CDH23: variants seen among roughly 807,000 people sequenced by gnomAD.
CDH23 encodes the protein cadherin-23.
Under a neutral mutation model 317.1 loss-of-function variants are expected in CDH23, and 189 were observed. That is an observed-to-expected ratio of 0.60 (90% CI 0.53 to 0.67). The LOEUF (loss-of-function observed/expected upper bound fraction) is 0.67, where lower values mean the gene tolerates loss of function less well. Ranked by LOEUF, CDH23 falls within the 30% of genes least tolerant of loss-of-function variation. CDH23 has a pLI of 0.00. For missense variants in CDH23, 4,401 were observed against 4,592.4 expected (o/e 0.96, Z 1.20); for synonymous variants, 1,839 against 1,876.8 (o/e 0.98, Z 0.52).
intron 3 of CDH23, among the ~76,000 whole-genome samples, chr10:71,449,534 A>T (rs1850331476): frequency 1.3e-5 from 2 of 152,198 alleles, no homozygotes; most frequent in African/African-American, 2.4e-5. Context: ...CACATATGAC[A>T]TACTATATAT....
intron 1 of CDH23, among the ~76,000 whole-genome samples, chr10:71,407,792 A>T (rs1848172641): frequency 6.6e-6 from 1 of 152,196 alleles, no homozygotes; most frequent in Non-Finnish European, 1.5e-5. Context: ...AATAATGAAG[A>T]AAAATGCCCC....
chr10:71,663,401 G>T (rs149163039), intron 14 of CDH23, among the ~76,000 whole-genome samples: 7 of 152,282 alleles, frequency 4.6e-5, no homozygotes, highest in African/African-American at 9.6e-5. Flanking sequence ...CGTCTCCCCT[G>T]CATCTCAAGG....
intron 17 of CDH23, among the ~76,000 whole-genome samples, 195 bp from the exon 18 acceptor site, chr10:71,682,250 G>A (rs758978039): frequency 1.3e-5 from 2 of 152,220 alleles, no homozygotes; most frequent in Admixed American, 1.3e-4. Flanking sequence ...CCTGGTGGGC[G>A]CAGCACAGGG....
At chr10:71,703,568 C>T (rs534209617) in intron 24 of CDH23, among the ~76,000 whole-genome samples, 3 of 152,304 alleles carry the variant, frequency 2.0e-5, no homozygotes, top group South Asian at 2.1e-4. Context: ...GTGTCGGTCA[C>T]GAGGGCTTAT....
intron 6 of CDH23, among the ~76,000 whole-genome samples, chr10:71,548,743 T>A (rs534676873): frequency 7.2e-4 from 109 of 152,340 alleles, no homozygotes; most frequent in Non-Finnish European, 1.3e-3. Context: ...AGACTTCATT[T>A]AAGATCAGTG....
intron 38 of CDH23, among the ~76,000 whole-genome samples, chr10:71,775,957 G>A (rs527249097): frequency 7.2e-5 from 11 of 152,230 alleles, no homozygotes; most frequent in South Asian, 6.2e-4. Flanking sequence ...AAGAATACAA[G>A]AGCACCACAT....
At chr10:71,476,653 C>G (rs1851809917) in intron 3 of CDH23, among the ~76,000 whole-genome samples, 1 of 152,160 alleles carries the variant, frequency 6.6e-6, no homozygotes, top group African/African-American at 2.4e-5. Flanking sequence ...CTTTTGATTT[C>G]AAGTGTGCAA....
At chr10:71,661,676 G>A (rs1238854003) in intron 14 of CDH23, among the ~76,000 whole-genome samples, 3 of 151,830 alleles carry the variant, frequency 2.0e-5, no homozygotes, top group African/African-American at 7.3e-5. Flanking sequence ...TGGGAGTGAG[G>A]GCTGCTTCTT....
intron 15 of CDH23, among the ~76,000 whole-genome samples, chr10:71,676,267 G>GT (rs1342586805): frequency 6.6e-6 from 1 of 152,078 alleles, no homozygotes; most frequent in Non-Finnish European, 1.5e-5. Context: ...GCCCGGTGGA[G>GT]TGAGTGAGGC....
At chr10:71,414,293 A>G (rs1848450717) in intron 1 of CDH23, among the ~76,000 whole-genome samples, 3 of 152,148 alleles carry the variant, frequency 2.0e-5, no homozygotes, top group African/African-American at 7.2e-5. Context: ...GTCTTTTGCC[A>G]TTGTGTATGA....
chr10:71,529,381 C>T (rs369852571), intron 6 of CDH23, among the ~76,000 whole-genome samples: 1 of 152,220 alleles, frequency 6.6e-6, no homozygotes, highest in Middle Eastern at 3.4e-3. Context: ...ACGTAGTACC[C>T]GGTGCAGGGA....
intron 6 of CDH23, among the ~76,000 whole-genome samples, chr10:71,555,795 C>T (rs528747373): frequency 1.2e-4 from 19 of 152,302 alleles, no homozygotes; most frequent in African/African-American, 4.3e-4. Flanking sequence ...CCTTGAAAGT[C>T]AAGCTCCTGA....
At chr10:71,409,298 C>T (rs1848248459) in intron 1 of CDH23, among the ~76,000 whole-genome samples, 1 of 152,112 alleles carries the variant, frequency 6.6e-6, no homozygotes, top group African/African-American at 2.4e-5. Context: ...CTGGTGAACC[C>T]CAGTACCTCT....
chr10:71,432,709 G>T (rs962561681), intron 1 of CDH23, among the ~76,000 whole-genome samples: 5 of 152,308 alleles, frequency 3.3e-5, no homozygotes, highest in Admixed American at 3.3e-4. Flanking sequence ...GAGCATGAGG[G>T]AGCCCTCCTG....
chr10:71,759,334 A>G (rs1474297918), intron 38 of CDH23, among the ~76,000 whole-genome samples: 1 of 151,914 alleles, frequency 6.6e-6, no homozygotes, highest in Non-Finnish European at 1.5e-5. Context: ...CACCGCACCT[A>G]ACCCCAAAAA....
At chr10:71,773,624 C>T (rs572887370) in intron 38 of CDH23, 1 of 492,732 alleles carries the variant, frequency 2.0e-6, no homozygotes, top group Non-Finnish European at 3.4e-6. Context: ...AACTGCCTCT[C>T]CGAGGGCCGC....
intron 6 of CDH23, among the ~76,000 whole-genome samples, chr10:71,522,943 A>G (rs1311007195): frequency 6.6e-6 from 1 of 152,130 alleles, no homozygotes; most frequent in African/African-American, 2.4e-5. Context: ...ACACCCAGAG[A>G]GGTTCAGTGA....
intron 3 of CDH23, among the ~76,000 whole-genome samples, chr10:71,468,805 G>A (rs1489536270): frequency 6.6e-6 from 1 of 152,202 alleles, no homozygotes; most frequent in East Asian, 1.9e-4. Flanking sequence ...CTCTGCCGGG[G>A]CCCGGCAGGA....
intron 14 of CDH23, among the ~76,000 whole-genome samples, chr10:71,671,341 T>A (rs1055115928): frequency 1.3e-5 from 2 of 152,150 alleles, no homozygotes; most frequent in African/African-American, 2.4e-5. Flanking sequence ...TGTCACCATC[T>A]GGCTGGCCTG....
Sources: gnomAD v4.1 joint callset for allele counts (sites outside exome capture counted in the v4.1 genomes callset) on GRCh38, gnomAD v4.1.1 for gene constraint, MANE v1.5 for transcripts, NCBI Gene and HGNC (gene_info 2026-07-23, HGNC 2026-07-21) for gene names.